The following KIRREL3 variants were observed in gnomAD, a reference collection of about 807,000 sequenced individuals.
The protein encoded by KIRREL3 is kirre like nephrin family adhesion molecule 3, also known as kin of IRRE-like protein 3.
KIRREL3 carries 36 observed loss-of-function variants against 89.7 expected under a neutral mutation model. That is an observed-to-expected ratio of 0.40 (90% CI 0.31 to 0.53). KIRREL3 has a LOEUF of 0.53. Ranked by LOEUF, KIRREL3 falls within the 20% of genes least tolerant of loss-of-function variation. KIRREL3 has a pLI of 0.49. For synonymous variants in KIRREL3, 445 were observed against 441.4 expected (o/e 1.01, Z -0.10); for missense variants, 864 against 1,056.6 (o/e 0.82, Z 2.53).
At chr11:126,980,768 T>C (rs1436352318) in intron 1 of KIRREL3, among the ~76,000 whole-genome samples, 5 of 152,110 alleles carry the variant, frequency 3.3e-5, no homozygotes, top group African/African-American at 7.2e-5. Flanking sequence ...AGGACCCCAA[T>C]TGGGGAGAAA....
At chr11:126,446,629 T>G (rs745536378) in intron 9 of KIRREL3, 130 bp downstream of exon 9, 16 of 1,054,544 alleles carry the variant, frequency 1.5e-5, no homozygotes, top group Non-Finnish European at 2.1e-5. Flanking sequence ...GGGATCTTTC[T>G]CCCTGTGGCT....
chr11:126,548,736 G>A (rs917494800), intron 2 of KIRREL3, among the ~76,000 whole-genome samples: 58 of 152,218 alleles, frequency 3.8e-4, no homozygotes, highest in African/African-American at 1.2e-3. Flanking sequence ...TCATCTCTGC[G>A]TACACAGTGG....
At chr11:126,925,110 G>GC (rs1947652083) in intron 1 of KIRREL3, among the ~76,000 whole-genome samples, 1 of 137,184 alleles carries the variant, frequency 7.3e-6, no homozygotes, top group African/African-American at 2.8e-5. Context: ...GGGGGGGGGG[G>GC]GGCTGTTGGT....
chr11:126,803,691 A>G (rs1946076), intron 1 of KIRREL3, among the ~76,000 whole-genome samples: 131,718 of 151,984 alleles, frequency 0.87, 57,416 homozygotes, highest in East Asian at 1. Flanking sequence ...CTCTTCCCTC[A>G]GGCAATTGCT....
intron 13 of KIRREL3, among the ~76,000 whole-genome samples, chr11:126,434,102 T>A (rs1449252013): frequency 2.6e-5 from 4 of 152,220 alleles, no homozygotes; most frequent in Non-Finnish European, 5.9e-5. Context: ...CCTGCCTGTG[T>A]GTGTTTCCTC....
At chr11:126,926,695 T>C (rs988404660) in intron 1 of KIRREL3, among the ~76,000 whole-genome samples, 5 of 152,172 alleles carry the variant, frequency 3.3e-5, no homozygotes, top group Non-Finnish European at 5.9e-5. Flanking sequence ...CTATGAGCAT[T>C]TCCCCCCTGC....
Position 126,768,224 on chromosome 11 carries a change from T to C in KIRREL3, c.56-205312A>G, listed in dbSNP as rs1565715540. On this transcript the variant is annotated intron_variant, in intron 1 of 16. Transcript: ENST00000525144. The surrounding 1 kb of genome is among the most constrained non-coding windows in gnomAD (Gnocchi z 4.5). ...ATCCATCCATCCATCCATCCATCCA[T>C]TCAATCTGTCCATCTGTCCATCCAT... is the stretch of plus-strand genomic sequence containing the variant. 7.0e-6 allele frequency among the ~76,000 whole-genome samples: 1 copy of C among 142,542 alleles called. No individual in the cohort carries two copies. The highest frequency in any genetic ancestry group is 1.5e-5 in the Non-Finnish European group (1 of 66,102). The allele number at this position is 142,542 out of a possible 152,430, so 93.5% of individuals were successfully genotyped here.
At chr11:126,514,014 T>G (rs1221130116) in intron 4 of KIRREL3, among the ~76,000 whole-genome samples, 3 of 152,028 alleles carry the variant, frequency 2.0e-5, no homozygotes, top group East Asian at 3.9e-4. Flanking sequence ...GCTAAGGTGG[T>G]GTCAGTGGCC....
At position 126,491,047 on chromosome 11, in the gene KIRREL3, T is replaced by C. The variant is rs1957497866; in HGVS notation, c.434-17581A>G. Among the ~76,000 whole-genome samples, 4 of 152,036 alleles carry C rather than the reference T, an allele frequency of 2.6e-5. No individual in the cohort carries two copies. The South Asian group carries it at 8.3e-4, about 32-fold the overall frequency. On this transcript the variant is annotated intron_variant, in intron 4 of 16. Transcript: ENST00000525144. This position sits in a 1 kb window ranked among gnomAD's most constrained non-coding sequence, Gnocchi z 5.5. ...CTGTCTGGATTTTGGGTCCATCCCG[T>C]AGTGGAAAGGGGTCCTATGTGAACA...
At chr11:126,798,935 AGAG>A (rs1950898335) in intron 1 of KIRREL3, among the ~76,000 whole-genome samples, 1 of 152,254 alleles carries the variant, frequency 6.6e-6, no homozygotes, top group Non-Finnish European at 1.5e-5. Context: ...GGCCCGCCAC[AGAG>A]GAGCACATGC....
Position 126,734,872 on chromosome 11 carries a change from G to C in KIRREL3, c.56-171960C>G, listed in dbSNP as rs1442253760. Among the ~76,000 whole-genome samples, 1 of 152,150 alleles carries C rather than the reference G, an allele frequency of 6.6e-6. No individual in the cohort carries two copies. On this transcript the variant is annotated intron_variant, in intron 1 of 16. Transcript: ENST00000525144. The surrounding 1 kb of genome is among the most constrained non-coding windows in gnomAD (Gnocchi z 5.9). ...TGAATGGGAGTTAGGGGTGGTTGGG[G>C]AGGACAGTGTTAATTGTGGCAGGAT... is the stretch of plus-strand genomic sequence containing the variant.
Position 126,755,430 on chromosome 11 carries a change from C to T in KIRREL3, c.56-192518G>A, listed in dbSNP as rs768645727. 6.6e-6 allele frequency among the ~76,000 whole-genome samples: 1 copy of T among 152,108 alleles called. No homozygotes were observed. The highest frequency in any genetic ancestry group is 1.5e-5 in the Non-Finnish European group (1 of 68,018). On this transcript the variant is annotated intron_variant, in intron 1 of 16. Coordinates refer to ENST00000525144, the MANE Select transcript of KIRREL3 (RefSeq NM_032531.4). This position sits in a 1 kb window ranked among gnomAD's most constrained non-coding sequence, Gnocchi z 4.3. The stretch of plus-strand genomic sequence containing the variant: ...TTCATGAAGAAATTCTAATTTTCAG[C>T]AGTCATGGGTGGAAAATCAATACTA...
intron 1 of KIRREL3, among the ~76,000 whole-genome samples, chr11:126,779,926 G>A (rs1950276067): frequency 6.6e-6 from 1 of 152,128 alleles, no homozygotes; most frequent in Non-Finnish European, 1.5e-5. Flanking sequence ...GACAGAGCTG[G>A]CAGGGAAGGA....
At position 126,516,170 on chromosome 11, in the gene KIRREL3, T is replaced by C. The variant is rs1201241452; in HGVS notation, c.433+5145A>G. On this transcript the variant is annotated intron_variant, in intron 4 of 16. Transcript: ENST00000525144. The surrounding 1 kb of genome is among the most constrained non-coding windows in gnomAD (Gnocchi z 4.9). ...TCAGTATTTGGGGCTTGACATCATT[T>C]AAAAAGATGCCCTCTTTATTTGAAT... 1.3e-5 allele frequency among the ~76,000 whole-genome samples: 2 copies of C among 152,218 alleles called. No individual in the cohort carries two copies. The highest frequency in any genetic ancestry group is 2.9e-5 in the Non-Finnish European group (2 of 68,038).
rs3042225 is a variant in KIRREL3 at position 126,585,220 on chromosome 11, CTTTTTTTTTTTT to C, written c.56-22320_56-22309del. 1.7e-4 allele frequency among the ~76,000 whole-genome samples: 14 copies of C among 81,920 alleles called. No homozygotes were observed. The South Asian group carries it at 1.8e-3, about 11-fold the overall frequency. 53.7% of individuals were successfully genotyped at this position (81,920 alleles called of 152,430 possible). On this transcript the variant is annotated intron_variant, in intron 1 of 16. Transcript: ENST00000525144. The stretch of plus-strand genomic sequence containing the variant: ...AGGCGTGAGCCACCGCGCCCGGCCT[CTTTTTTTTTTTT>C]TTTTTTTTTTTTTTTGAGATAGAGT...
chr11:126,566,765 G>A lies in KIRREL3; in HGVS notation c.56-3853C>T, dbSNP rs369127177. Among the ~76,000 whole-genome samples, 1 of 152,308 alleles carries A rather than the reference G, an allele frequency of 6.6e-6. No homozygotes were observed. Among genetic ancestry groups the A allele is most frequent in the East Asian group, 1.9e-4 (1 of 5,186 alleles). On this transcript the variant is annotated intron_variant, in intron 1 of 16. Transcript: ENST00000525144. This position sits in a 1 kb window ranked among gnomAD's most constrained non-coding sequence, Gnocchi z 4.9. ...TTCTTACTAGTAATGTAGTGATACG[G>A]TGGTATTATTTCATATTTGTGGGAT...
intron 1 of KIRREL3, among the ~76,000 whole-genome samples, chr11:126,919,898 C>T (rs1947200684): frequency 6.6e-6 from 1 of 152,068 alleles, no homozygotes. Context: ...TTAAGAGTAA[C>T]AATATTGTTA....
At chr11:126,487,166 G>T (rs1656065978) in intron 4 of KIRREL3, among the ~76,000 whole-genome samples, 1 of 152,220 alleles carries the variant, frequency 6.6e-6, no homozygotes, top group East Asian at 1.9e-4. Context: ...TAGGAATACT[G>T]TGTTTTGCAG....
At position 126,521,672 on chromosome 11, in the gene KIRREL3, CTGTATGTGTGTGTGTGTG is replaced by C. The variant is rs781096186; in HGVS notation, c.284-226_284-209del. Among the ~76,000 whole-genome samples the C allele has an allele frequency of 1.4e-4, 6 of 42,978 alleles. No homozygotes were observed. The highest frequency in any genetic ancestry group is 4.9e-4 in the Admixed American group (2 of 4,122). 28.2% of individuals were successfully genotyped at this position (42,978 alleles called of 152,430 possible). On this transcript the variant is annotated intron_variant, in intron 3 of 16. Transcript: ENST00000525144. This position sits in a 1 kb window ranked among gnomAD's most constrained non-coding sequence, Gnocchi z 4.1. Reference sequence around the variant, plus strand: ...AGGTGTTGGTTCTCTCTCTCTCTCTCTGTATGTGTGTGTGTGTGTGTGTGTGTGTGTGTGTGTGTGTGT... The same window carrying C: ...AGGTGTTGGTTCTCTCTCTCTCTCTCTGTGTGTGTGTGTGTGTGTGTGTGT...
Sources: gnomAD v4.1 joint callset for allele counts (sites outside exome capture counted in the v4.1 genomes callset) on GRCh38, gnomAD v4.1.1 for gene constraint, Gnocchi (gnomAD v3.1) non-coding constraint, MANE v1.5 for transcripts, NCBI Gene and HGNC (gene_info 2026-07-23, HGNC 2026-07-21) for gene names.